Variants in DNAJC16 observed in about 807,000 individuals in gnomAD.
DNAJC16 encodes the protein DnaJ heat shock protein family (Hsp40) member C16.
Under a neutral mutation model 92.7 loss-of-function variants are expected in DNAJC16, and 76 were observed. The ratio of observed to expected loss-of-function variants is 0.82; its 90% CI spans 0.68 to 0.99. DNAJC16 has a LOEUF of 0.99. Ranked by LOEUF, DNAJC16 falls within the 50% of genes least tolerant of loss-of-function variation. The probability of loss-of-function intolerance (pLI) is 0.00; values close to 1 mark genes in which losing one functional copy is unlikely to be tolerated. For synonymous variants in DNAJC16, 328 were observed against 358.7 expected, an observed-to-expected ratio of 0.91 and a Z score of 0.97; for missense variants, 869 against 942.4, an observed-to-expected ratio of 0.92 and a Z score of 1.02.
chr1:15,559,020 A>T (rs1570925526), intron 7 of DNAJC16, among the ~76,000 whole-genome samples: 1 of 152,068 alleles, frequency 6.6e-6, no homozygotes, highest in East Asian at 1.9e-4. Flanking sequence ...GCTCACTGCA[A>T]CCTCCGTCTC....
intron 11 of DNAJC16, 168 bp from the exon 12 acceptor site, chr1:15,565,751 T>C: frequency 1.5e-6 from 1 of 671,836 alleles, no homozygotes; most frequent in South Asian, 1.8e-5. Flanking sequence ...GAGCAATCTC[T>C]ACCTTCCCCT....
At chr1:15,539,459 G>C (rs1326958963) in intron 4 of DNAJC16, among the ~76,000 whole-genome samples, 1 of 151,780 alleles carries the variant, frequency 6.6e-6, no homozygotes, top group Non-Finnish European at 1.5e-5. Context: ...TGTTAGCCAG[G>C]ATGGTCTCGA....
At chr1:15,555,653 G>GCCT (rs1165378621) in intron 7 of DNAJC16, among the ~76,000 whole-genome samples, 13 of 146,698 alleles carry the variant, frequency 8.9e-5, no homozygotes, top group Admixed American at 4.9e-4. Flanking sequence ...CTGCACTCCA[G>GCCT]CCTGGGCGAC....
intron 1 of DNAJC16, among the ~76,000 whole-genome samples, chr1:15,528,198 C>T (rs1300059565): frequency 6.6e-6 from 1 of 152,162 alleles, no homozygotes; most frequent in Non-Finnish European, 1.5e-5. Context: ...TTTGGGAGGC[C>T]GAGGCGGGTG....
At chr1:15,566,319 A>C in intron 13 of DNAJC16, 139 bp downstream of exon 13, 3 of 701,508 alleles carry the variant, frequency 4.3e-6, no homozygotes, top group South Asian at 1.9e-5. Flanking sequence ...GGCTACAGGG[A>C]AAAGTCACTG....
intron 2 of DNAJC16, among the ~76,000 whole-genome samples, chr1:15,529,536 TA>T (rs1419812367): frequency 6.6e-6 from 1 of 152,212 alleles, no homozygotes; most frequent in African/African-American, 2.4e-5. Context: ...TATTTAATGT[TA>T]AAGTAACAAG....
At chr1:15,537,948 A>C (rs905896962) in intron 4 of DNAJC16, among the ~76,000 whole-genome samples, 8 of 152,194 alleles carry the variant, frequency 5.3e-5, no homozygotes, top group Non-Finnish European at 8.8e-5. Context: ...TCATCTCAGC[A>C]CATTTAGTGC....
chr1:15,563,663 TAAAAAAAAAAAAA>T lies in DNAJC16; in HGVS notation c.1339-251_1339-239del, dbSNP rs57751838. ...TAGCATGGTGAAACCCCATCTCTACTAAAAAAAAAAAAAAAAAAAAAAAAAAATACCAAAAATT... is the reference window on the plus strand; with the variant it reads ...TAGCATGGTGAAACCCCATCTCTACTAAAAAAAAAAAAAATACCAAAAATT... On this transcript the variant is annotated intron_variant, in intron 9 of 14. Coordinates refer to ENST00000375847, the MANE Select transcript of DNAJC16 (RefSeq NM_015291.4). Among the ~76,000 whole-genome samples, 5 of 53,212 alleles carry T rather than the reference TAAAAAAAAAAAAA, an allele frequency of 9.4e-5. 1 individual carries two copies. Among genetic ancestry groups the T allele is most frequent in the East Asian group, 5.9e-4 (1 of 1,696 alleles). 34.9% of individuals were successfully genotyped at this position (53,212 alleles called of 152,430 possible).
intron 4 of DNAJC16, among the ~76,000 whole-genome samples, chr1:15,537,043 G>T (rs561388320): frequency 1.3e-5 from 2 of 152,178 alleles, no homozygotes; most frequent in African/African-American, 2.4e-5. Flanking sequence ...TAGAGACAGG[G>T]TTTCACCACG....
chr1:15,567,382 A>G, intron 14 of DNAJC16, 113 bp downstream of exon 14: 2 of 1,132,278 alleles, frequency 1.8e-6, no homozygotes, highest in East Asian at 2.4e-5. Context: ...ATACAGCAAG[A>G]TGCTGGCTGT....
intron 3 of DNAJC16, among the ~76,000 whole-genome samples, chr1:15,536,072 C>CTTTTTTTTTTTTTTTTTTTTTTTTCT (rs758451008): frequency 2.4e-5 from 2 of 84,612 alleles, no homozygotes; most frequent in Non-Finnish European, 4.6e-5. Flanking sequence ...CTTTTCTTTT[C>CTTTTTTTTTTTTTTTTTTTTTTTTCT]TTTTTTTTTT....
intron 7 of DNAJC16, among the ~76,000 whole-genome samples, chr1:15,553,067 G>T (rs1308647519): frequency 6.6e-6 from 1 of 151,828 alleles, no homozygotes; most frequent in East Asian, 1.9e-4. Context: ...ACCGCGCCCG[G>T]CCTGTCTATT....
At chr1:15,535,878 C>T (rs1710766726) in intron 3 of DNAJC16, among the ~76,000 whole-genome samples, 1 of 151,532 alleles carries the variant, frequency 6.6e-6, no homozygotes, top group African/African-American at 2.4e-5. Context: ...CTCCCACTCA[C>T]CTCACCCTCC....
At chr1:15,534,868 A>C (rs1053387906) in intron 3 of DNAJC16, among the ~76,000 whole-genome samples, 1 of 152,210 alleles carries the variant, frequency 6.6e-6, no homozygotes, top group Admixed American at 6.5e-5. Context: ...ATGTGTCACT[A>C]TTGCCTTCTT....
chr1:15,555,511 C>T (rs1638549080), intron 7 of DNAJC16, among the ~76,000 whole-genome samples: 1 of 150,560 alleles, frequency 6.6e-6, no homozygotes, highest in African/African-American at 2.4e-5. Flanking sequence ...GGTGAAACCC[C>T]GTCTCTACTA....
intron 7 of DNAJC16, among the ~76,000 whole-genome samples, chr1:15,558,413 C>A (rs976912105): frequency 2.6e-5 from 4 of 152,050 alleles, no homozygotes; most frequent in African/African-American, 7.2e-5. Flanking sequence ...TCTCGATCTT[C>A]TAAGCTCAAG....
At chr1:15,529,351 T>G (rs1011796094) in intron 2 of DNAJC16, 79 bp downstream of exon 2, 9 of 1,383,204 alleles carry the variant, frequency 6.5e-6, no homozygotes, top group Non-Finnish European at 8.8e-6. Context: ...ATGACTAGCT[T>G]TTATTTGTCT....
At chr1:15,531,770 T>G (rs1190022430) in intron 2 of DNAJC16, among the ~76,000 whole-genome samples, 1 of 152,230 alleles carries the variant, frequency 6.6e-6, no homozygotes, top group Non-Finnish European at 1.5e-5. Flanking sequence ...TTACTTTACG[T>G]TTTTAATTTT....
chr1:15,546,951 T>G, intron 6 of DNAJC16, 80 bp downstream of exon 6: 1 of 1,106,200 alleles, frequency 9.0e-7, no homozygotes, highest in South Asian at 1.4e-5. Flanking sequence ...AAGTAATCTC[T>G]GAGTTGGAAC....
Sources: gnomAD v4.1 joint callset for allele counts (sites outside exome capture counted in the v4.1 genomes callset) on GRCh38, gnomAD v4.1.1 for gene constraint, MANE v1.5 for transcripts, NCBI Gene and HGNC (gene_info 2026-07-23, HGNC 2026-07-21) for gene names.